EDN1: variants seen among roughly 807,000 people sequenced by gnomAD.
EDN1 encodes endothelin-1.
A neutral mutation model predicts 21.7 loss-of-function variants in EDN1; 11 were observed. The ratio of observed to expected loss-of-function variants is 0.51; its 90% CI spans 0.32 to 0.84. The LOEUF (loss-of-function observed/expected upper bound fraction) is 0.84, where lower values mean the gene tolerates loss of function less well. Among genes scored for constraint, EDN1 ranks in the 40% least tolerant of loss-of-function variants. The pLI is 0.03. For synonymous variants in EDN1, 85 were observed against 90.6 expected (o/e 0.94, Z 0.35); for missense variants, 244 against 262.3 (o/e 0.93, Z 0.48).
chr6:12,283,858 C>T, the EDN1 span, among the ~76,000 whole-genome samples: 1 of 152,212 alleles, frequency 6.6e-6, no homozygotes, highest in East Asian at 1.9e-4. Context: ...CATGTGCTGT[C>T]CTTTGCCACA....
chr6:12,290,181 C>A (rs987898783), upstream of EDN1, among the ~76,000 whole-genome samples: 1 of 152,194 alleles, frequency 6.6e-6, no homozygotes, highest in African/African-American at 2.4e-5. Flanking sequence ...AGACGGCGGG[C>A]GTCTGCCTCT....
chr6:12,264,231 G>A, the EDN1 span, among the ~76,000 whole-genome samples: 1 of 152,320 alleles, frequency 6.6e-6, no homozygotes, highest in East Asian at 1.9e-4. Flanking sequence ...AGCAAGGGTT[G>A]TGACTAGGAG....
At chr6:12,259,331 C>T in the EDN1 span, among the ~76,000 whole-genome samples, 1 of 151,020 alleles carries the variant, frequency 6.6e-6, no homozygotes, top group African/African-American at 2.4e-5. Flanking sequence ...CATTAGCAAC[C>T]TAAAATGTTA....
Position 12,292,417 on chromosome 6 carries a change from C to T in EDN1, c.141C>T (p.Leu47=), listed in dbSNP as rs148565651. The change falls in exon 2 of 5, where the codon CTC becomes CTT. Residue 47 remains leucine, a synonymous_variant. Transcript: ENST00000379375. ...EKPTPSPPWR[L]RRSKRCSCSS... The stretch of plus-strand genomic sequence containing the variant: ...CCACTCCCAGTCCACCCTGGCGGCT[C>T]CGCCGGTCCAAGCGCTGCTCCTGCT... 382 of 1,614,192 alleles carry T rather than the reference C, an allele frequency of 2.4e-4. No individual in the cohort carries two copies. The African/African-American group carries it at 4.5e-3, about 19-fold the overall frequency.
chr6:12,251,065 T>G, the EDN1 span, among the ~76,000 whole-genome samples: 1 of 152,176 alleles, frequency 6.6e-6, no homozygotes, highest in Non-Finnish European at 1.5e-5. Context: ...TAAAGGACTA[T>G]TAGAGGAGAT....
chr6:12,242,716 A>G, the EDN1 span, among the ~76,000 whole-genome samples: 1 of 150,076 alleles, frequency 6.7e-6, no homozygotes, highest in Non-Finnish European at 1.5e-5. Flanking sequence ...TCACCTTGCC[A>G]GGTCCCTCTG....
chr6:12,295,833 C>T (rs1311707144), intron 4 of EDN1, 129 bp from the exon 5 acceptor site: 24 of 779,750 alleles, frequency 3.1e-5, no homozygotes, highest in East Asian at 8.5e-5. Flanking sequence ...CAAAGAGTTG[C>T]GGCGGGTGGT....
the EDN1 span, among the ~76,000 whole-genome samples, chr6:12,277,895 C>T: frequency 3.3e-5 from 5 of 152,206 alleles, no homozygotes; most frequent in Admixed American, 3.3e-4. Context: ...TCCCATGGCT[C>T]CAGAACCCCT....
the EDN1 span, among the ~76,000 whole-genome samples, chr6:12,241,869 A>G: frequency 6.6e-6 from 1 of 152,258 alleles, no homozygotes; most frequent in Admixed American, 6.5e-5. Context: ...AACTCAATAA[A>G]CCAAGGAGAA....
Position 12,290,471 on chromosome 6 carries a change from G to A in EDN1, c.-159G>A. 1 of 651,446 alleles carries A rather than the reference G, an allele frequency of 1.5e-6. No individual in the cohort carries two copies. Among genetic ancestry groups the A allele is most frequent in the Non-Finnish European group, 2.7e-6 (1 of 371,228 alleles). The allele number at this position is 651,446 out of a possible 1,614,324, so 40.4% of individuals were successfully genotyped here. A position where few individuals can be genotyped will look rare whatever the true frequency, so the allele number is the denominator to read the frequency against. ...GCTCCGCTCGCTGCCTTCTCTCCTG[G>A]CAGGCGCTGCCTTTTCTCCCCGTTA... On this transcript the variant is annotated 5_prime_UTR_variant, in exon 1 of 5. Transcript: ENST00000379375.
At chr6:12,269,985 T>G in the EDN1 span, among the ~76,000 whole-genome samples, 1 of 152,058 alleles carries the variant, frequency 6.6e-6, no homozygotes, top group Admixed American at 6.5e-5. Flanking sequence ...AATCTTGTTA[T>G]TTATTATTGT....
chr6:12,247,920 T>G, the EDN1 span, among the ~76,000 whole-genome samples: 1 of 152,086 alleles, frequency 6.6e-6, no homozygotes, highest in Non-Finnish European at 1.5e-5. Context: ...CCCTAGCCTC[T>G]GTATTTGGAG....
chr6:12,260,139 A>G, the EDN1 span, among the ~76,000 whole-genome samples: 1 of 152,120 alleles, frequency 6.6e-6, no homozygotes, highest in Non-Finnish European at 1.5e-5. Flanking sequence ...AAAACTCTTA[A>G]AAAACAATAA....
intron 1 of EDN1, 45 bp from the exon 2 acceptor site, chr6:12,292,296 C>G (rs200758007): frequency 1.9e-6 from 3 of 1,609,228 alleles, no homozygotes; most frequent in South Asian, 2.2e-5. Context: ...TGTCTCTCGG[C>G]GTTTGAGGAG....
the EDN1 span, among the ~76,000 whole-genome samples, chr6:12,245,626 A>T: frequency 6.6e-6 from 1 of 152,212 alleles, no homozygotes; most frequent in Non-Finnish European, 1.5e-5. Context: ...ATTCCAGATT[A>T]TAGAAACACC....
At chr6:12,240,087 T>TAGA in the EDN1 span, among the ~76,000 whole-genome samples, 4 of 152,160 alleles carry the variant, frequency 2.6e-5, no homozygotes, top group African/African-American at 9.6e-5. Flanking sequence ...GCAGAATTGG[T>TAGA]AGAATTCAGG....
At chr6:12,273,543 T>C in the EDN1 span, among the ~76,000 whole-genome samples, 7 of 152,170 alleles carry the variant, frequency 4.6e-5, no homozygotes, top group East Asian at 1.3e-3. Context: ...GCAATTTTTT[T>C]TTCCTTTTAA....
Position 12,296,044 on chromosome 6 carries a change from A to G in EDN1, c.616A>G (p.Thr206Ala). The change falls in exon 5 of 5, where the codon ACC becomes GCC. Residue 206 changes from threonine (T) to alanine (A), a missense_variant. Transcript: ENST00000379375. ...CAAGCCCTCCAGAGAGCGTTATGTG[A>G]CCCACAACCGAGCACATTGGTGACA... ...KGKPSRERYV[T>A]HNRAHW 2 of 1,613,980 alleles carry G rather than the reference A, an allele frequency of 1.2e-6. No homozygotes were observed. The highest frequency in any genetic ancestry group is 1.7e-6 in the Non-Finnish European group (2 of 1,179,942).
the EDN1 span, among the ~76,000 whole-genome samples, chr6:12,245,588 C>T: frequency 1.3e-5 from 2 of 152,168 alleles, no homozygotes; most frequent in Non-Finnish European, 2.9e-5. Flanking sequence ...TTCTCTTAGC[C>T]TGGGCTATGT....
Sources: gnomAD v4.1 joint callset for allele counts (sites outside exome capture counted in the v4.1 genomes callset) on GRCh38, gnomAD v4.1.1 for gene constraint, MANE v1.5 for transcripts, NCBI Gene and HGNC (gene_info 2026-07-23, HGNC 2026-07-21) for gene names.